The following ALCAM variants were observed in gnomAD, a reference collection of about 807,000 sequenced individuals.
ALCAM encodes activated leukocyte cell adhesion molecule.
In ALCAM, 30 loss-of-function variants were observed where a neutral mutation model predicts 70.9. That is an observed-to-expected ratio of 0.42 (90% CI 0.32 to 0.57). The LOEUF is 0.57. ALCAM is among the 20% of genes least tolerant of loss of function. ALCAM has a pLI of 0.11. For missense variants in ALCAM, 591 were observed against 695.1 expected (o/e 0.85, Z 1.68); for synonymous variants, 249 against 242.5 (o/e 1.03, Z -0.25).
intron 2 of ALCAM, among the ~76,000 whole-genome samples, chr3:105,520,673 A>AT (rs34505304): frequency 0.36 from 53,907 of 151,832 alleles, 9,947 homozygotes; most frequent in East Asian, 0.52. Context: ...AACGGTGTTG[A>AT]TTTTTTCCCA....
chr3:105,553,831 T>C (rs1267872706), intron 14 of ALCAM, among the ~76,000 whole-genome samples: 1 of 151,912 alleles, frequency 6.6e-6, no homozygotes, highest in Non-Finnish European at 1.5e-5. Context: ...GGCACAGAAT[T>C]GTTATTTGAT....
At chr3:105,527,596 TG>T (rs1333297611) in intron 3 of ALCAM, among the ~76,000 whole-genome samples, 2 of 148,386 alleles carry the variant, frequency 1.3e-5, no homozygotes, top group African/African-American at 4.9e-5. Flanking sequence ...AATTTGTTCA[TG>T]AAAAAAAAAA....
At chr3:105,418,418 A>C (rs1288345247) in intron 1 of ALCAM, among the ~76,000 whole-genome samples, 1 of 151,794 alleles carries the variant, frequency 6.6e-6, no homozygotes. Flanking sequence ...TGAGAGGTTG[A>C]GTATGGCACT....
intron 1 of ALCAM, among the ~76,000 whole-genome samples, chr3:105,440,144 C>G (rs1208843284): frequency 6.6e-6 from 1 of 151,946 alleles, no homozygotes; most frequent in Non-Finnish European, 1.5e-5. Context: ...TTTGAGGGGA[C>G]CAGGAAAAAA....
At chr3:105,569,889 T>G (rs1282531740) in intron 14 of ALCAM, among the ~76,000 whole-genome samples, 1 of 152,154 alleles carries the variant, frequency 6.6e-6, no homozygotes, top group African/African-American at 2.4e-5. Context: ...CTTTCTAGGA[T>G]GTCAATTAGA....
intron 1 of ALCAM, among the ~76,000 whole-genome samples, chr3:105,420,885 T>TA: frequency 1.3e-5 from 2 of 151,458 alleles, no homozygotes; most frequent in Admixed American, 1.3e-4. Context: ...GAGAGGAAAG[T>TA]AAAAAGAGGG....
At chr3:105,409,060 T>G (rs912103965) in intron 1 of ALCAM, among the ~76,000 whole-genome samples, 1 of 151,920 alleles carries the variant, frequency 6.6e-6, no homozygotes, top group African/African-American at 2.4e-5. Flanking sequence ...GATGTTGGAA[T>G]GGATGCAGTG....
intron 1 of ALCAM, among the ~76,000 whole-genome samples, chr3:105,497,994 G>T (rs988616854): frequency 5.3e-5 from 8 of 149,738 alleles, no homozygotes; most frequent in Non-Finnish European, 1.2e-4. Flanking sequence ...TCACACCACT[G>T]CACTCAAGCC....
chr3:105,537,187 A>G (rs1939992211), intron 6 of ALCAM, among the ~76,000 whole-genome samples: 1 of 152,100 alleles, frequency 6.6e-6, no homozygotes, highest in Non-Finnish European at 1.5e-5. Context: ...GTTTTAGAGA[A>G]TCTAGCTCTT....
chr3:105,543,115 G>A (rs543144038), intron 8 of ALCAM, among the ~76,000 whole-genome samples: 8 of 151,752 alleles, frequency 5.3e-5, no homozygotes, highest in Admixed American at 2.6e-4. Flanking sequence ...GGTGTGATGT[G>A]CTTATTTTTA....
At chr3:105,451,263 A>C (rs548753144) in intron 1 of ALCAM, among the ~76,000 whole-genome samples, 13 of 151,410 alleles carry the variant, frequency 8.6e-5, no homozygotes, top group African/African-American at 2.9e-4. Context: ...AAGCAAGAAG[A>C]AAGGAAGGAA....
intron 15 of ALCAM, among the ~76,000 whole-genome samples, chr3:105,572,886 A>G (rs1359446802): frequency 1.9e-4 from 29 of 152,232 alleles, no homozygotes; most frequent in Non-Finnish European, 1.5e-5. Flanking sequence ...GTTAACATTC[A>G]ACTATCATTT....
intron 1 of ALCAM, among the ~76,000 whole-genome samples, chr3:105,459,608 T>C (rs117332315): frequency 1.3e-5 from 2 of 152,058 alleles, no homozygotes; most frequent in South Asian, 2.1e-4. Context: ...TCTGATTAGA[T>C]TGTAAGCCCT....
At chr3:105,533,309 A>C (rs1239975510) in intron 4 of ALCAM, among the ~76,000 whole-genome samples, 1 of 152,196 alleles carries the variant, frequency 6.6e-6, no homozygotes, top group Non-Finnish European at 1.5e-5. Context: ...AAAAATGAAT[A>C]GTGTCAAAAT....
chr3:105,563,190 T>G (rs1940663608), intron 14 of ALCAM, among the ~76,000 whole-genome samples: 1 of 146,422 alleles, frequency 6.8e-6, no homozygotes, highest in Non-Finnish European at 1.5e-5. Flanking sequence ...TCATTTAAAT[T>G]ATTGACATTT....
intron 1 of ALCAM, among the ~76,000 whole-genome samples, chr3:105,499,037 T>C (rs540761072): frequency 6.8e-4 from 104 of 152,284 alleles, no homozygotes; most frequent in Non-Finnish European, 1.3e-3. Context: ...GGATATAACT[T>C]ATCTCACCTT....
chr3:105,510,238 A>G (rs1430528069), intron 1 of ALCAM, among the ~76,000 whole-genome samples: 1 of 152,082 alleles, frequency 6.6e-6, no homozygotes, highest in African/African-American at 2.4e-5. Context: ...GAAGCGTTCT[A>G]GACTGTCATG....
intron 1 of ALCAM, among the ~76,000 whole-genome samples, chr3:105,501,419 T>C (rs1469796131): frequency 6.6e-6 from 1 of 152,218 alleles, no homozygotes; most frequent in African/African-American, 2.4e-5. Context: ...GTTTAACAGA[T>C]AGTGTAACTG....
chr3:105,534,864 A>C lies in ALCAM; in HGVS notation c.730+19A>C, dbSNP rs1263905315. On this transcript the variant is annotated intron_variant, in intron 6 of 15. Transcript: ENST00000306107. ...ATTTACTGTAAGTAATTCAATATAT[A>C]ATTATGCTATTTAATGTATTAGAAA... is the stretch of plus-strand genomic sequence containing the variant. 6.3e-7 allele frequency: 1 copy of C among 1,578,308 alleles called. No homozygotes were observed. The highest frequency in any genetic ancestry group is 8.6e-7 in the Non-Finnish European group (1 of 1,156,710).
Sources: gnomAD v4.1 joint callset for allele counts (sites outside exome capture counted in the v4.1 genomes callset) on GRCh38, gnomAD v4.1.1 for gene constraint, MANE v1.5 for transcripts, NCBI Gene and HGNC (gene_info 2026-07-23, HGNC 2026-07-21) for gene names.